IK: variants seen among roughly 807,000 people sequenced by gnomAD.
IK encodes protein Red.
Under a neutral mutation model 90.9 loss-of-function variants are expected in IK, and 47 were observed. The observed-to-expected ratio is 0.52, with a 90% confidence interval of 0.41 to 0.66. The LOEUF is 0.66. IK is among the 30% of genes least tolerant of loss of function. The probability of loss-of-function intolerance (pLI) is 0.00; values close to 1 mark genes in which losing one functional copy is unlikely to be tolerated. For missense variants in IK, 385 were observed against 709.3 expected, an observed-to-expected ratio of 0.54 and a Z score of 5.19; for synonymous variants, 201 against 227.5, an observed-to-expected ratio of 0.88 and a Z score of 1.05.
At chr5:140,657,707 T>C (rs1757734770) in intron 10 of IK, 45 bp downstream of exon 10, 2 of 1,338,620 alleles carry the variant, frequency 1.5e-6, no homozygotes, top group Admixed American at 2.0e-5. Context: ...CAGAGGACGT[T>C]TGGGGATAAA....
chr5:140,661,522 C>T lies in IK; in HGVS notation c.1414-98C>T. ...AGGGTATGATTTATGAATTGTGGAA[C>T]CTGGGATTATGGGAGAGTCTGGCTT... On this transcript the variant is annotated intron_variant, in intron 16 of 19. Coordinates refer to ENST00000417647, the MANE Select transcript of IK (RefSeq NM_006083.4). This position sits in a 1 kb window ranked among gnomAD's most constrained non-coding sequence, Gnocchi z 4.2. 2.7e-6 allele frequency: 2 copies of T among 728,812 alleles called. No homozygotes were observed. Among genetic ancestry groups the T allele is most frequent in the Non-Finnish European group, 4.7e-6 (2 of 425,586 alleles). The allele number at this position is 728,812 out of a possible 1,614,324, so 45.1% of individuals were successfully genotyped here.
In IK at chr5:140,651,578, A is replaced by C. The variant is rs572522862; in HGVS notation, c.84-136A>C. On this transcript the variant is annotated intron_variant, in intron 2 of 19. Transcript: ENST00000417647. ...GGGTGACAGTGAGACTCCGTCTCAA[A>C]AAAAAAAAAACAGTGTCATATCTTT... The C allele has an allele frequency of 8.8e-5, 50 of 571,386 alleles. No individual in the cohort carries two copies. In the South Asian group the frequency reaches 9.9e-4, roughly 11 times the overall value. 35.4% of individuals were successfully genotyped at this position (571,386 alleles called of 1,614,324 possible).
chr5:140,651,943 C>A, intron 3 of IK, 137 bp downstream of exon 3: 1 of 821,778 alleles, frequency 1.2e-6, no homozygotes, highest in Admixed American at 2.1e-5. Context: ...TGCCCACCTA[C>A]AAATATTGGT....
chr5:140,654,870 C>G, intron 8 of IK, 143 bp downstream of exon 8: 1 of 668,196 alleles, frequency 1.5e-6, no homozygotes, highest in Non-Finnish European at 2.6e-6. Context: ...CTTAATCGCC[C>G]AGGCTGGAGT....
intron 18 of IK, 84 bp from the exon 19 acceptor site, chr5:140,662,095 G>C (rs534685871): frequency 1.3e-6 from 2 of 1,589,528 alleles, no homozygotes; most frequent in Non-Finnish European, 1.7e-6. Context: ...GGGCTGGAGA[G>C]CCATGGAAAT....
intron 9 of IK, among the ~76,000 whole-genome samples, chr5:140,656,673 A>G (rs912199523): frequency 6.6e-6 from 1 of 152,216 alleles, no homozygotes; most frequent in African/African-American, 2.4e-5. Flanking sequence ...TATGAGGTAC[A>G]TGAGATGTTT....
Position 140,659,307 on chromosome 5 carries a change from C to T in IK, c.1177-8C>T, listed in dbSNP as rs1757763226. ...TAACACTAACTTCACATTTTGTGTT[C>T]TTTCCAGCCCATGGACGTTGACAAA... On this transcript the variant is annotated splice_region_variant and splice_polypyrimidine_tract_variant and intron_variant, in intron 12 of 19. Coordinates refer to ENST00000417647, the MANE Select transcript of IK (RefSeq NM_006083.4). 6.2e-7 allele frequency: 1 copy of T among 1,613,940 alleles called. No homozygotes were observed. Among genetic ancestry groups the T allele is most frequent in the Non-Finnish European group, 8.5e-7 (1 of 1,179,838 alleles).
At chr5:140,654,372 C>A (rs1163004627) in intron 6 of IK, 144 bp from the exon 7 acceptor site, 2 of 690,232 alleles carry the variant, frequency 2.9e-6, no homozygotes, top group Non-Finnish European at 5.0e-6. Flanking sequence ...ATTTGTCTGT[C>A]TCATCTGCTA....
intron 2 of IK, 72 bp from the exon 3 acceptor site, chr5:140,651,637 TTAATC>T: frequency 2.6e-6 from 2 of 759,216 alleles, no homozygotes; most frequent in Non-Finnish European, 4.5e-6. Flanking sequence ...TTCTGTTAAT[TTAATC>T]ATGATTTTTA....
chr5:140,660,388 C>G (rs1479232485), intron 15 of IK, 193 bp downstream of exon 15: 36 of 538,858 alleles, frequency 6.7e-5, no homozygotes, highest in Non-Finnish European at 1.0e-4. Flanking sequence ...ATCTCCATCT[C>G]CCGGGTTCAA....
rs775613578 is a variant in IK at position 140,659,829 on chromosome 5, A to G, written c.1269A>G (p.Thr423=). Residue 423 remains threonine, a synonymous_variant, in exon 14 of 20, where the codon ACA becomes ACG. Coordinates refer to ENST00000417647, the MANE Select transcript of IK (RefSeq NM_006083.4). ...KFAGSAGWEG[T]ESLKKPEDKK... ...CTGGGTCTGCTGGCTGGGAAGGCAC[A>G]GAATCATATCCTTTATTTTAATACG... 2 of 1,589,428 alleles carry G rather than the reference A, an allele frequency of 1.3e-6. No individual in the cohort carries two copies. The highest frequency in any genetic ancestry group is 3.5e-5 in the Admixed American group (2 of 56,420).
intron 15 of IK, 141 bp from the exon 16 acceptor site, chr5:140,660,617 G>A (rs1475786179): frequency 4.7e-6 from 3 of 632,312 alleles, no homozygotes; most frequent in Non-Finnish European, 8.4e-6. Flanking sequence ...TTCTTACTTG[G>A]ATGAACTATT....
chr5:140,660,292 CTTTTTTTTTTT>C (rs200714869), intron 15 of IK, 97 bp downstream of exon 15: 9 of 283,168 alleles, frequency 3.2e-5, no homozygotes, highest in East Asian at 7.2e-5. Flanking sequence ...AGGGCTACTT[CTTTTTTTTTTT>C]TTTTTTTTTT....
In IK at chr5:140,648,961, CCGAGTAG is replaced by C. The variant is rs1239037130; in HGVS notation, c.83+426_83+432del. The C allele has an allele frequency of 2.5e-5, 5 of 203,200 alleles. No individual in the cohort carries two copies. In the East Asian group the frequency reaches 7.7e-4, roughly 31 times the overall value. The allele number at this position is 203,200 out of a possible 1,614,324, so 12.6% of individuals were successfully genotyped here. A position where few individuals can be genotyped will look rare whatever the true frequency, so the allele number is the denominator to read the frequency against. On this transcript the variant is annotated intron_variant, in intron 2 of 19. Coordinates refer to ENST00000417647, the MANE Select transcript of IK (RefSeq NM_006083.4). Reference sequence around the variant, plus strand: ...CAAGCAATTCTCCTGCCTCAGCCTTCCGAGTAGCTGGGATTACAGGCATGTTCCACTA... The same window carrying C: ...CAAGCAATTCTCCTGCCTCAGCCTTCCTGGGATTACAGGCATGTTCCACTA...
At chr5:140,660,080 G>A in intron 14 of IK, 35 bp from the exon 15 acceptor site, 1 of 1,576,808 alleles carries the variant, frequency 6.3e-7, no homozygotes, top group Non-Finnish European at 8.7e-7. Context: ...GCAATAGGTA[G>A]AATCCTGTGT....
At chr5:140,659,625 A>C in intron 13 of IK, 131 bp from the exon 14 acceptor site, 1 of 684,402 alleles carries the variant, frequency 1.5e-6, no homozygotes, top group Non-Finnish European at 2.6e-6. Flanking sequence ...GTGACTCATT[A>C]ATTGGAGTTT....
Position 140,658,813 on chromosome 5 carries a change from G to A in IK, c.950+37G>A, listed in dbSNP as rs780527958. ...AGCCCCTGGCATCTGATCAGAGGGA[G>A]GGGGTCTGTACATTTCTTGTGTCTG... On this transcript the variant is annotated intron_variant, in intron 11 of 19. Coordinates refer to ENST00000417647, the MANE Select transcript of IK (RefSeq NM_006083.4). The A allele has an allele frequency of 3.7e-6, 6 of 1,602,352 alleles. No homozygotes were observed. In the South Asian group the frequency reaches 5.5e-5, roughly 15 times the overall value.
chr5:140,652,875 T>C lies in IK; in HGVS notation c.237-102T>C. On this transcript the variant is annotated intron_variant, in intron 4 of 19. Transcript: ENST00000417647. The stretch of plus-strand genomic sequence containing the variant: ...CAGGACAGACATGAGCTTTTCCCCA[T>C]AGAGAGTAGGTTGGAGATGTAGGGA... 2.9e-6 allele frequency: 3 copies of C among 1,039,280 alleles called. No individual in the cohort carries two copies. In the South Asian group the frequency reaches 4.5e-5, roughly 16 times the overall value. 64.4% of individuals were successfully genotyped at this position (1,039,280 alleles called of 1,614,324 possible).
intron 4 of IK, 86 bp from the exon 5 acceptor site, chr5:140,652,891 G>A: frequency 8.0e-7 from 1 of 1,247,890 alleles, no homozygotes; most frequent in Non-Finnish European, 1.1e-6. Context: ...GTAGGTTGGA[G>A]ATGTAGGGAA....
Sources: gnomAD v4.1 joint callset for allele counts (sites outside exome capture counted in the v4.1 genomes callset) on GRCh38, gnomAD v4.1.1 for gene constraint, Gnocchi (gnomAD v3.1) non-coding constraint, MANE v1.5 for transcripts, NCBI Gene and HGNC (gene_info 2026-07-23, HGNC 2026-07-21) for gene names.